Variants in SLC24A2 observed in about 807,000 individuals in gnomAD.
SLC24A2 encodes solute carrier family 24 member 2.
In SLC24A2, 36 loss-of-function variants were observed where a neutral mutation model predicts 62.0. The observed-to-expected ratio is 0.58, with a 90% CI of 0.44 to 0.77. The LOEUF (loss-of-function observed/expected upper bound fraction) is 0.77. Ranked by LOEUF, SLC24A2 falls within the 30% of genes least tolerant of loss-of-function variation. SLC24A2 has a pLI of 0.00. For synonymous variants in SLC24A2, 358 were observed against 294.0 expected, an observed-to-expected ratio of 1.22 and a Z score of -2.23; for missense variants, 846 against 817.9, an observed-to-expected ratio of 1.03 and a Z score of -0.42.
the SLC24A2 span, chr9:19,968,123 T>A: frequency 1.3e-5 from 2 of 152,182 alleles, no homozygotes; most frequent in Non-Finnish European, 2.9e-5. Flanking sequence ...TCAGATTAAA[T>A]GAGTTGATAC....
chr9:19,829,714 A>C, the SLC24A2 span, among the ~76,000 whole-genome samples: 5 of 149,972 alleles, frequency 3.3e-5, no homozygotes, highest in African/African-American at 1.2e-4. Context: ...GGATGACAGA[A>C]TGAGACATTG....
the SLC24A2 span, among the ~76,000 whole-genome samples, chr9:20,251,261 G>T: frequency 6.6e-6 from 1 of 152,034 alleles, no homozygotes; most frequent in Non-Finnish European, 1.5e-5. Flanking sequence ...TCTCAGCAAG[G>T]TCCCCCAGGT....
chr9:19,909,549 A>G, the SLC24A2 span, among the ~76,000 whole-genome samples: 33 of 152,204 alleles, frequency 2.2e-4, no homozygotes, highest in African/African-American at 7.9e-4. Flanking sequence ...TTGGGGTTTA[A>G]GGGACTATAA....
chr9:20,258,865 T>TCC, the SLC24A2 span, among the ~76,000 whole-genome samples: 1 of 139,726 alleles, frequency 7.2e-6, no homozygotes, highest in Non-Finnish European at 1.6e-5. Flanking sequence ...AATGTCTATC[T>TCC]ATCCATCCAT....
intron 2 of SLC24A2, among the ~76,000 whole-genome samples, chr9:19,631,804 G>A (rs889029671): frequency 1.3e-5 from 2 of 152,126 alleles, no homozygotes; most frequent in African/African-American, 4.8e-5. Flanking sequence ...AAAATTCTCT[G>A]GCTTCATCCC....
the SLC24A2 span, among the ~76,000 whole-genome samples, chr9:19,870,546 T>C: frequency 6.6e-6 from 1 of 152,208 alleles, no homozygotes; most frequent in African/African-American, 2.4e-5. Context: ...TACTGAGTCA[T>C]ATGGTAATCC....
chr9:19,584,273 T>TAAAAAAAA (rs5896848), intron 5 of SLC24A2, among the ~76,000 whole-genome samples: 22 of 119,866 alleles, frequency 1.8e-4, no homozygotes, highest in Non-Finnish European at 2.5e-4. Context: ...TAGCAAATAG[T>TAAAAAAAA]AAAAAAAAAA....
At chr9:19,826,382 A>C in the SLC24A2 span, among the ~76,000 whole-genome samples, 1 of 152,184 alleles carries the variant, frequency 6.6e-6, no homozygotes, top group Non-Finnish European at 1.5e-5. Context: ...CCCATTCAGC[A>C]AGATCTTCTG....
At chr9:19,711,957 T>G (rs550926242) in intron 2 of SLC24A2, among the ~76,000 whole-genome samples, 51 of 152,282 alleles carry the variant, frequency 3.3e-4, no homozygotes, top group African/African-American at 1.2e-3. Context: ...ACAAGGGCAG[T>G]TGGCTAGCCA....
chr9:20,128,223 T>G, the SLC24A2 span, among the ~76,000 whole-genome samples: 45 of 152,298 alleles, frequency 3.0e-4, no homozygotes, highest in African/African-American at 1.1e-3. Flanking sequence ...CACCTAATTT[T>G]TCTTCTCTTC....
chr9:20,031,909 T>G, the SLC24A2 span, among the ~76,000 whole-genome samples: 1 of 152,208 alleles, frequency 6.6e-6, no homozygotes, highest in Non-Finnish European at 1.5e-5. Context: ...GCACCAATTC[T>G]AATTGTGTAA....
chr9:20,299,448 G>C, the SLC24A2 span, among the ~76,000 whole-genome samples: 1 of 152,218 alleles, frequency 6.6e-6, no homozygotes, highest in Non-Finnish European at 1.5e-5. Flanking sequence ...AGCCAAAGCA[G>C]CATCAATCAT....
At chr9:20,293,273 A>G in the SLC24A2 span, among the ~76,000 whole-genome samples, 1 of 152,230 alleles carries the variant, frequency 6.6e-6, no homozygotes. Context: ...CTCAACACCT[A>G]ACACTCCCAC....
At chr9:19,551,426 G>T (rs1834841097) in intron 7 of SLC24A2, among the ~76,000 whole-genome samples, 1 of 152,148 alleles carries the variant, frequency 6.6e-6, no homozygotes, top group African/African-American at 2.4e-5. Context: ...GGGCCCAGCA[G>T]GGGGTGACCG....
rs557794073 is a variant in SLC24A2, at chr9:19,520,992, G to A, written c.1638C>T (p.Ile546=). 1 of 1,614,034 alleles carries A rather than the reference G, an allele frequency of 6.2e-7. No homozygotes were observed. Among genetic ancestry groups the A allele is most frequent in the South Asian group, 1.1e-5 (1 of 91,072 alleles). Residue 546 remains isoleucine (I), a synonymous_variant, in exon 10 of 11, where the codon ATC becomes ATT. Coordinates refer to ENST00000341998, the MANE Select transcript of SLC24A2 (RefSeq NM_020344.4). ...CTATGACACTGGTGATAAGATCAGG[G>A]ATGGAGGTCCCAGCAGCCAAGATGG... is the stretch of plus-strand genomic sequence containing the variant. ...GLTILAAGTS[I]PDLITSVIVA...
At chr9:20,299,981 T>C in the SLC24A2 span, among the ~76,000 whole-genome samples, 1 of 152,250 alleles carries the variant, frequency 6.6e-6, no homozygotes, top group Non-Finnish European at 1.5e-5. Context: ...TGGACCAGGA[T>C]CTGCTTTTTA....
chr9:19,844,859 T>G, the SLC24A2 span, among the ~76,000 whole-genome samples: 2 of 152,132 alleles, frequency 1.3e-5, no homozygotes, highest in Non-Finnish European at 2.9e-5. Context: ...TTCTCTTTTC[T>G]GTTCCATTGG....
the SLC24A2 span, among the ~76,000 whole-genome samples, chr9:20,029,106 G>T: frequency 6.6e-6 from 1 of 152,182 alleles, no homozygotes; most frequent in Non-Finnish European, 1.5e-5. Flanking sequence ...ATTTAGTGTA[G>T]GGGCTTGAGG....
intron 2 of SLC24A2, among the ~76,000 whole-genome samples, chr9:19,782,670 A>G (rs1340959280): frequency 6.6e-6 from 1 of 152,140 alleles, no homozygotes; most frequent in Non-Finnish European, 1.5e-5. Context: ...ATTCCAACTC[A>G]TTTTTCACTT....
Sources: gnomAD v4.1 joint callset for allele counts (sites outside exome capture counted in the v4.1 genomes callset) on GRCh38, gnomAD v4.1.1 for gene constraint, MANE v1.5 for transcripts, NCBI Gene and HGNC (gene_info 2026-07-23, HGNC 2026-07-21) for gene names.